UBE2Q2: variants seen among roughly 807,000 people sequenced by gnomAD.
UBE2Q2 encodes ubiquitin conjugating enzyme E2 Q2.
A neutral mutation model predicts 59.9 loss-of-function variants in UBE2Q2; 54 were observed. That is an observed-to-expected ratio of 0.90 (90% CI 0.72 to 1.13). The LOEUF (loss-of-function observed/expected upper bound fraction) is 1.13, where lower values mean the gene tolerates loss of function less well. Ranked by LOEUF, UBE2Q2 falls within the 50% of genes most tolerant of loss-of-function variation. UBE2Q2 has a pLI of 0.00. For synonymous variants in UBE2Q2, 165 were observed against 155.2 expected, an observed-to-expected ratio of 1.06 and a Z score of -0.47; for missense variants, 433 against 441.9, an observed-to-expected ratio of 0.98 and a Z score of 0.18.
chr15:75,886,761 C>T (rs992795715), intron 9 of UBE2Q2, among the ~76,000 whole-genome samples: 20 of 151,978 alleles, frequency 1.3e-4, no homozygotes, highest in African/African-American at 4.4e-4. Context: ...GTGGTGGGTG[C>T]CTGTAATCCC....
chr15:75,858,123 A>G (rs1567020152), intron 2 of UBE2Q2, among the ~76,000 whole-genome samples: 3 of 151,592 alleles, frequency 2.0e-5, no homozygotes, highest in East Asian at 1.9e-4. Context: ...CCCTTGGCCT[A>G]CTTCTTCTCT....
intron 9 of UBE2Q2, among the ~76,000 whole-genome samples, chr15:75,886,467 C>G (rs1178343119): frequency 2.0e-5 from 3 of 152,000 alleles, no homozygotes; most frequent in Non-Finnish European, 4.4e-5. Flanking sequence ...GTGATGTTTA[C>G]TCAGTATTCC....
At chr15:75,856,269 G>GTGTGTGTGTGTATA (rs1256142539) in intron 2 of UBE2Q2, among the ~76,000 whole-genome samples, 9 of 139,286 alleles carry the variant, frequency 6.5e-5, no homozygotes, top group African/African-American at 2.5e-4. Flanking sequence ...GTGTGTGTGT[G>GTGTGTGTGTGTATA]TATATATATA....
intron 3 of UBE2Q2, among the ~76,000 whole-genome samples, chr15:75,865,818 T>A (rs558306730): frequency 6.6e-6 from 1 of 151,624 alleles, no homozygotes; most frequent in Admixed American, 6.6e-5. Flanking sequence ...TTTTTTTTTT[T>A]AACCTAGAAA....
At chr15:75,892,858 ACT>A (rs1290542308) in intron 11 of UBE2Q2, among the ~76,000 whole-genome samples, 1 of 152,156 alleles carries the variant, frequency 6.6e-6, no homozygotes, top group Non-Finnish European at 1.5e-5. Flanking sequence ...TGACAGTGAG[ACT>A]CTGTCTCAAA....
chr15:75,843,683 T>C lies in UBE2Q2; in HGVS notation c.17T>C (p.Leu6Pro), dbSNP rs1306127547. The change falls in exon 1 of 13, where the codon CTC (leucine) becomes CCC (proline). Residue 6 changes from leucine (L) to proline (P), a missense_variant. Transcript: ENST00000267938. MSVSG[L>P]KAELKFLASI... Reference sequence around the variant, plus strand: ...GAGGGGAAGATGTCCGTGTCAGGGCTCAAGGCCGAGCTGAAGTTCCTGGCG... The same window carrying C: ...GAGGGGAAGATGTCCGTGTCAGGGCCCAAGGCCGAGCTGAAGTTCCTGGCG... The C allele has an allele frequency of 1.2e-6, 2 of 1,609,054 alleles. No homozygotes were observed. Among genetic ancestry groups the C allele is most frequent in the Admixed American group, 1.7e-5 (1 of 59,804 alleles).
chr15:75,865,167 T>G (rs1442868158), intron 3 of UBE2Q2, among the ~76,000 whole-genome samples: 1 of 152,288 alleles, frequency 6.6e-6, no homozygotes, highest in Non-Finnish European at 1.5e-5. Context: ...GGCTTCTTCC[T>G]GATCACTGTT....
rs576234221 is a variant in UBE2Q2 at position 75,875,341 on chromosome 15, T to G, written c.589-846T>G. Among the ~76,000 whole-genome samples the G allele has an allele frequency of 8.4e-4, 128 of 152,332 alleles. 1 individual carries two copies. The highest frequency in any genetic ancestry group is 2.8e-3 in the African/African-American group (118 of 41,568). On this transcript the variant is annotated intron_variant, in intron 5 of 12. Coordinates refer to ENST00000267938, the MANE Select transcript of UBE2Q2 (RefSeq NM_173469.4). The stretch of plus-strand genomic sequence containing the variant: ...TAGTGCAATGTTTAAAATCTTTAAT[T>G]TCACGTGACCAAAAAATAGTTCCGT...
intron 11 of UBE2Q2, among the ~76,000 whole-genome samples, chr15:75,893,571 G>A (rs1346062934): frequency 6.6e-6 from 1 of 152,134 alleles, no homozygotes; most frequent in Non-Finnish European, 1.5e-5. Flanking sequence ...AACAACCAGT[G>A]AACAGGCATG....
intron 5 of UBE2Q2, among the ~76,000 whole-genome samples, chr15:75,874,161 C>G (rs1226561260): frequency 1.3e-5 from 2 of 152,084 alleles, no homozygotes. Flanking sequence ...CTCATGGGAT[C>G]TGTATATTCA....
At chr15:75,897,393 G>A (rs1050971619) in intron 12 of UBE2Q2, among the ~76,000 whole-genome samples, 1 of 151,482 alleles carries the variant, frequency 6.6e-6, no homozygotes, top group South Asian at 2.1e-4. Flanking sequence ...TGCCTTTTTT[G>A]TATTTTTAGT....
rs1595843462 is a variant in UBE2Q2 at position 75,843,822 on chromosome 15, A to C, written c.156A>C (p.Pro52=). 1 of 1,596,104 alleles carries C rather than the reference A, an allele frequency of 6.3e-7. No homozygotes were observed. Among genetic ancestry groups the C allele is most frequent in the Non-Finnish European group, 8.5e-7 (1 of 1,173,576 alleles). The change falls in exon 1 of 13, where the codon CCA becomes CCC. Residue 52 remains proline (P), a synonymous_variant. Transcript: ENST00000267938. ...GCAGCCCGCACTCGCTGCCGCCGCC[A>C]CTCACGCTCCACTGCAACATCACGG... ...QQGSPHSLPP[P]LTLHCNITES...
Position 75,844,444 on chromosome 15 carries a change from T to C in UBE2Q2, c.180+598T>C, listed in dbSNP as rs745615700. 5.2e-5 allele frequency: 81 copies of C among 1,551,652 alleles called. 1 individual carries two copies. In the Middle Eastern group the frequency reaches 1.3e-3, roughly 26 times the overall value. On this transcript the variant is annotated intron_variant, in intron 1 of 12. Coordinates refer to ENST00000267938, the MANE Select transcript of UBE2Q2 (RefSeq NM_173469.4). Reference sequence around the variant, plus strand: ...CTCTCCCCCGGGCCTGGCTGCGCGCTGCTGTGTTCTGGAAAGGAGCATAGT... The same window carrying C: ...CTCTCCCCCGGGCCTGGCTGCGCGCCGCTGTGTTCTGGAAAGGAGCATAGT...
At chr15:75,844,459 A>G in intron 1 of UBE2Q2, 2 of 1,551,574 alleles carry the variant, frequency 1.3e-6, no homozygotes, top group Non-Finnish European at 1.7e-6. Flanking sequence ...TGTTCTGGAA[A>G]GGAGCATAGT....
At chr15:75,892,278 C>G (rs180976745) in intron 11 of UBE2Q2, among the ~76,000 whole-genome samples, 4 of 152,188 alleles carry the variant, frequency 2.6e-5, no homozygotes, top group African/African-American at 9.6e-5. Context: ...GTAGGATTCC[C>G]AAAGATTAAA....
chr15:75,856,246 C>CATGTGTGTGTGT (rs1555418769), intron 2 of UBE2Q2, among the ~76,000 whole-genome samples: 209 of 135,676 alleles, frequency 1.5e-3, no homozygotes, highest in African/African-American at 5.6e-3. Context: ...TGTGTATATA[C>CATGTGTGTGTGT]GTGTGTGTGT....
chr15:75,851,987 C>T (rs903527679), intron 1 of UBE2Q2, among the ~76,000 whole-genome samples: 1 of 152,196 alleles, frequency 6.6e-6, no homozygotes, highest in African/African-American at 2.4e-5. Context: ...ATCCTTCTGC[C>T]TCAGCCTCCC....
chr15:75,851,138 T>C (rs982947879), intron 1 of UBE2Q2, among the ~76,000 whole-genome samples: 2 of 151,196 alleles, frequency 1.3e-5, no homozygotes, highest in Non-Finnish European at 3.0e-5. Flanking sequence ...TATTCTTCTT[T>C]TTTTTTTTTT....
chr15:75,883,247 C>G, intron 8 of UBE2Q2, 119 bp from the exon 9 acceptor site: 1 of 944,400 alleles, frequency 1.1e-6, no homozygotes, highest in South Asian at 1.8e-5. Context: ...TTTTATGACT[C>G]TTACCCATTA....
Sources: allele counts gnomAD v4.1 joint callset (sites outside exome capture counted in the v4.1 genomes callset), GRCh38; gene constraint gnomAD v4.1.1; transcripts MANE v1.5; gene names NCBI Gene and HGNC (gene_info 2026-07-23, HGNC 2026-07-21).